The following UGGT2 variants were observed in gnomAD, a reference collection of about 807,000 sequenced individuals.
The protein encoded by UGGT2 is UDP-glucose:glycoprotein glucosyltransferase 2.
UGGT2 carries 180 observed loss-of-function variants against 192.1 expected under a neutral mutation model. The ratio of observed to expected loss-of-function variants is 0.94; its 90% CI spans 0.83 to 1.06. The LOEUF is 1.06. Ranked by LOEUF, UGGT2 falls within the 50% of genes least tolerant of loss-of-function variation. UGGT2 has a pLI of 0.00. For synonymous variants in UGGT2, 580 were observed against 591.0 expected, an observed-to-expected ratio of 0.98 and a Z score of 0.27; for missense variants, 1,849 against 1,795.7, an observed-to-expected ratio of 1.03 and a Z score of -0.54.
intron 7 of UGGT2, among the ~76,000 whole-genome samples, chr13:95,992,172 G>C (rs1051650273): frequency 2.7e-5 from 4 of 150,528 alleles, no homozygotes; most frequent in African/African-American, 4.9e-5. Context: ...CCGTCTCAAA[G>C]AAAAGAAAAA....
chr13:95,921,459 T>C (rs928077496), intron 20 of UGGT2, among the ~76,000 whole-genome samples: 3 of 151,738 alleles, frequency 2.0e-5, no homozygotes, highest in African/African-American at 7.3e-5. Flanking sequence ...AAGGACAGAA[T>C]AGTGGGTAGA....
At chr13:95,920,226 C>T (rs758532971) in intron 20 of UGGT2, among the ~76,000 whole-genome samples, 2 of 152,010 alleles carry the variant, frequency 1.3e-5, no homozygotes, top group African/African-American at 2.4e-5. Context: ...ATGTAAAACC[C>T]GAAACTATTA....
chr13:95,844,653 C>A (rs1202404057), intron 36 of UGGT2, among the ~76,000 whole-genome samples: 3 of 152,156 alleles, frequency 2.0e-5, no homozygotes, highest in African/African-American at 2.4e-5. Context: ...TTGTGAAATG[C>A]AGTTATTAGT....
chr13:96,053,268 G>A lies in UGGT2; in HGVS notation c.45C>T (p.Gly15=). 4 of 1,573,982 alleles carry A rather than the reference G, an allele frequency of 2.5e-6. No homozygotes were observed. Among genetic ancestry groups the A allele is most frequent in the Non-Finnish European group, 2.6e-6 (3 of 1,168,210 alleles). The change falls in exon 1 of 39, where the codon GGC becomes GGT. Residue 15 remains glycine (G), a synonymous_variant. Transcript: ENST00000376747. The part of the protein sequence containing the change: ...KATNVVRLLL[G]STALWLSQLG... ...GCTGCGAAAGCCACAGCGCTGTGGA[G>A]CCTAGTAGCAGCCGCACCACGTTCG...
chr13:95,880,400 T>A (rs1244053491), intron 27 of UGGT2, among the ~76,000 whole-genome samples: 1 of 152,252 alleles, frequency 6.6e-6, no homozygotes, highest in Non-Finnish European at 1.5e-5. Context: ...GTACATCTTT[T>A]TCTTGCATCT....
intron 7 of UGGT2, among the ~76,000 whole-genome samples, chr13:95,995,043 T>C (rs1433705420): frequency 3.3e-5 from 5 of 152,086 alleles, no homozygotes; most frequent in Non-Finnish European, 1.5e-5. Flanking sequence ...CCACTCTCAA[T>C]GTAAACATAA....
At chr13:96,023,480 GACA>G (rs1400557898) in intron 3 of UGGT2, 146 bp downstream of exon 3, 7 of 733,848 alleles carry the variant, frequency 9.5e-6, no homozygotes, top group Admixed American at 3.9e-5. Flanking sequence ...TATAATAAAT[GACA>G]ACAATAATAA....
At chr13:95,908,813 ATTTG>A (rs1453784247) in intron 20 of UGGT2, among the ~76,000 whole-genome samples, 1 of 126,034 alleles carries the variant, frequency 7.9e-6, no homozygotes, top group African/African-American at 3.0e-5. Context: ...TTTCTTGTAA[ATTTG>A]TTTGAGTTCA....
intron 5 of UGGT2, among the ~76,000 whole-genome samples, chr13:96,000,341 T>C (rs950080488): frequency 1.3e-5 from 2 of 152,360 alleles, no homozygotes; most frequent in South Asian, 2.1e-4. Flanking sequence ...TTGATATGTA[T>C]ATGGCCAGAG....
At chr13:95,891,169 G>C (rs2047791180) in intron 24 of UGGT2, among the ~76,000 whole-genome samples, 2 of 151,970 alleles carry the variant, frequency 1.3e-5, no homozygotes. Context: ...AATGAAGTAA[G>C]GTTTTATGAA....
chr13:95,846,707 G>A (rs1453911026), intron 36 of UGGT2, among the ~76,000 whole-genome samples: 1 of 152,072 alleles, frequency 6.6e-6, no homozygotes, highest in Non-Finnish European at 1.5e-5. Context: ...TGGGCCTGGG[G>A]ATTTAAACTA....
chr13:95,972,698 A>G, intron 10 of UGGT2, 27 bp from the exon 11 acceptor site: 1 of 1,551,930 alleles, frequency 6.4e-7, no homozygotes, highest in South Asian at 1.1e-5. Flanking sequence ...GCAATAGTTA[A>G]CCAGTGATAG....
At chr13:95,803,309 G>C (rs569529705) in intron 38 of UGGT2, among the ~76,000 whole-genome samples, 1 of 151,886 alleles carries the variant, frequency 6.6e-6, no homozygotes, top group South Asian at 2.1e-4. Flanking sequence ...TGCCCAGATT[G>C]GAGTATAATG....
chr13:95,942,274 T>G (rs1345854922), intron 15 of UGGT2, among the ~76,000 whole-genome samples: 7 of 131,152 alleles, frequency 5.3e-5, no homozygotes, highest in Non-Finnish European at 1.6e-5. Flanking sequence ...GTGTGTGTGT[T>G]GTCTGTAGGA....
At chr13:95,896,153 A>AT (rs2047938650) in intron 22 of UGGT2, among the ~76,000 whole-genome samples, 1 of 152,022 alleles carries the variant, frequency 6.6e-6, no homozygotes, top group Non-Finnish European at 1.5e-5. Context: ...CAACCAGATT[A>AT]TTTTTTTCTT....
Position 95,884,738 on chromosome 13 carries a change from A to G in UGGT2, c.3039-58T>C, listed in dbSNP as rs569702583. 20 of 1,490,748 alleles carry G rather than the reference A, an allele frequency of 1.3e-5. No homozygotes were observed. The South Asian group carries it at 2.6e-4, about 20-fold the overall frequency. The allele number at this position is 1,490,748 out of a possible 1,614,324, so 92.3% of individuals were successfully genotyped here. On this transcript the variant is annotated intron_variant, in intron 26 of 38. Coordinates refer to ENST00000376747, the MANE Select transcript of UGGT2 (RefSeq NM_020121.4). ...CCAAAACTGAGATTTTTCTTTTAAA[A>G]TATTTTCAAAATTGAAAATTGCTTA... is the stretch of plus-strand genomic sequence containing the variant.
At chr13:95,984,816 A>C (rs2051239629) in intron 9 of UGGT2, 3 of 152,252 alleles carry the variant, frequency 2.0e-5, no homozygotes, top group Admixed American at 2.0e-4. Flanking sequence ...GGAAAACTCA[A>C]GTAGAAAGGT....
rs1179928333 is a variant in UGGT2 at position 95,832,961 on chromosome 13, T to C, written c.4494A>G (p.Leu1498=). 12 of 1,612,712 alleles carry C rather than the reference T, an allele frequency of 7.4e-6. 1 individual carries two copies. In the Admixed American group the frequency reaches 1.2e-4, roughly 16 times the overall value. ...GCTTCTTGTTTTCAAGATGATCTAATAGTTGTCTTATCTCAGCATCATACT... is the reference window on the plus strand; with the variant it reads ...GCTTCTTGTTTTCAAGATGATCTAACAGTTGTCTTATCTCAGCATCATACT... The part of the protein sequence containing the change: ...WVEYDAEIRQ[L]LDHLENKKQD... The change falls in exon 38 of 39, where the codon CTA becomes CTG. Residue 1498 remains leucine, a synonymous_variant. Coordinates refer to ENST00000376747, the MANE Select transcript of UGGT2 (RefSeq NM_020121.4).
At chr13:95,806,275 A>G in intron 38 of UGGT2, among the ~76,000 whole-genome samples, 1 of 152,188 alleles carries the variant, frequency 6.6e-6, no homozygotes, top group Non-Finnish European at 1.5e-5. Flanking sequence ...TAGCCTGGGC[A>G]TCAGATTTAT....
Sources: gnomAD v4.1 joint callset for allele counts (sites outside exome capture counted in the v4.1 genomes callset) on GRCh38, gnomAD v4.1.1 for gene constraint, MANE v1.5 for transcripts, NCBI Gene and HGNC (gene_info 2026-07-23, HGNC 2026-07-21) for gene names.